NRG1: variants seen among roughly 807,000 people sequenced by gnomAD.
The protein encoded by NRG1 is pro-neuregulin-1, membrane-bound isoform.
A neutral mutation model predicts 63.8 loss-of-function variants in NRG1; 18 were observed. The ratio of observed to expected loss-of-function variants is 0.28; its 90% CI spans 0.19 to 0.42. The LOEUF (loss-of-function observed/expected upper bound fraction) is 0.42. NRG1 is among the 10% of genes least tolerant of loss of function. The pLI is 1.00. For synonymous variants in NRG1, 302 were observed against 301.3 expected (o/e 1.00, Z -0.02); for missense variants, 762 against 814.7 (o/e 0.94, Z 0.79).
intron 5 of NRG1, among the ~76,000 whole-genome samples, chr8:32,688,519 C>A (rs1487543660): frequency 6.6e-6 from 1 of 152,140 alleles, no homozygotes; most frequent in Admixed American, 6.5e-5. Flanking sequence ...CCATTTATTA[C>A]TTTTCATCTT....
At chr8:32,668,438 G>A (rs1804789818) in intron 5 of NRG1, among the ~76,000 whole-genome samples, 1 of 152,102 alleles carries the variant, frequency 6.6e-6, no homozygotes, top group Admixed American at 6.6e-5. Flanking sequence ...TGAAGTGTCA[G>A]GGTTGTGGTG....
At chr8:32,514,532 A>G (rs1205059063) in intron 1 of NRG1, among the ~76,000 whole-genome samples, 1 of 152,174 alleles carries the variant, frequency 6.6e-6, no homozygotes. Flanking sequence ...TATAGGTTAC[A>G]CATTTTGGCA....
rs780159795 is a variant in NRG1, at chr8:31,809,733, TATTA to T, written c.37+170306_37+170309del. On this transcript the variant is annotated intron_variant, in intron 1 of 10. Transcript: ENST00000519301. Reference sequence around the variant, plus strand: ...TTTCAAGATTTTTTTCTACTCCTTCTATTAATTGTTTTTTTTTTTTTTTTTTTTT... The same window carrying T: ...TTTCAAGATTTTTTTCTACTCCTTCTATTGTTTTTTTTTTTTTTTTTTTTT... Among the ~76,000 whole-genome samples the T allele has an allele frequency of 4.7e-3, 689 of 145,664 alleles. 3 individuals carry two copies. The highest frequency in any genetic ancestry group is 7.8e-3 in the Non-Finnish European group (521 of 66,648).
chr8:32,269,414 A>C (rs1022994389), intron 1 of NRG1, among the ~76,000 whole-genome samples: 1 of 152,190 alleles, frequency 6.6e-6, no homozygotes, highest in Non-Finnish European at 1.5e-5. Context: ...AATGTTTCCC[A>C]TTACATCCTG....
chr8:31,825,030 C>T (rs993226165), intron 1 of NRG1, among the ~76,000 whole-genome samples: 76 of 152,158 alleles, frequency 5.0e-4, no homozygotes, highest in African/African-American at 1.6e-3. Flanking sequence ...AAAAAATCGC[C>T]TCATTTGAAA....
chr8:32,208,273 T>C (rs916272645), intron 1 of NRG1, among the ~76,000 whole-genome samples: 1 of 151,688 alleles, frequency 6.6e-6, no homozygotes, highest in African/African-American at 2.4e-5. Flanking sequence ...GGTGGGACTA[T>C]GAAGTGTTTT....
chr8:32,675,315 A>G (rs1454383467), intron 5 of NRG1, among the ~76,000 whole-genome samples: 1 of 152,190 alleles, frequency 6.6e-6, no homozygotes, highest in Non-Finnish European at 1.5e-5. Flanking sequence ...AGATCTAGTT[A>G]TTTGCAAAAG....
intron 1 of NRG1, among the ~76,000 whole-genome samples, chr8:31,765,658 T>A (rs893548983): frequency 3.3e-5 from 5 of 152,212 alleles, no homozygotes; most frequent in Admixed American, 6.5e-5. Flanking sequence ...TCTGTGTTCC[T>A]CTGTATGCTT....
At chr8:31,782,931 G>T (rs1308212201) in intron 1 of NRG1, among the ~76,000 whole-genome samples, 2 of 152,128 alleles carry the variant, frequency 1.3e-5, no homozygotes, top group African/African-American at 2.4e-5. Flanking sequence ...CAAAGCCAGG[G>T]TTATGAATGT....
intron 6 of NRG1, among the ~76,000 whole-genome samples, chr8:32,741,475 A>G (rs936142353): frequency 2.0e-5 from 3 of 152,222 alleles, no homozygotes; most frequent in African/African-American, 7.2e-5. Flanking sequence ...CAGGGAATGT[A>G]GTTTTTCTTG....
intron 1 of NRG1, among the ~76,000 whole-genome samples, chr8:31,705,871 A>G (rs1811099674): frequency 6.6e-6 from 1 of 152,210 alleles, no homozygotes; most frequent in Admixed American, 6.5e-5. Context: ...GCCCAAGTAA[A>G]AACAATTTTA....
chr8:32,349,916 C>T (rs1432505455), intron 1 of NRG1, among the ~76,000 whole-genome samples: 1 of 152,212 alleles, frequency 6.6e-6, no homozygotes, highest in East Asian at 1.9e-4. Flanking sequence ...CAGAAGCACA[C>T]TTGATTTCAA....
intron 1 of NRG1, among the ~76,000 whole-genome samples, chr8:31,920,859 GATAC>G (rs1226324084): frequency 1.4e-5 from 2 of 147,454 alleles, no homozygotes; most frequent in South Asian, 2.2e-4. Flanking sequence ...AAGATGGATA[GATAC>G]ATAGATAGAT....
chr8:32,554,887 C>G (rs1834813701), intron 1 of NRG1, among the ~76,000 whole-genome samples: 1 of 150,924 alleles, frequency 6.6e-6, no homozygotes, highest in African/African-American at 2.4e-5. Flanking sequence ...GAGCATCACA[C>G]TGCTATTCCC....
intron 1 of NRG1, among the ~76,000 whole-genome samples, chr8:32,337,177 T>C (rs1436742725): frequency 6.6e-6 from 1 of 151,954 alleles, no homozygotes; most frequent in Non-Finnish European, 1.5e-5. Flanking sequence ...GCCCAGCTAA[T>C]GTTTTAATTT....
chr8:31,740,628 G>T (rs189440496), intron 1 of NRG1, among the ~76,000 whole-genome samples: 1 of 151,772 alleles, frequency 6.6e-6, no homozygotes, highest in Non-Finnish European at 1.5e-5. Flanking sequence ...CTCCATGAAG[G>T]TAACTTGGAA....
intron 1 of NRG1, among the ~76,000 whole-genome samples, chr8:31,813,530 T>G (rs1304914898): frequency 1.4e-4 from 15 of 104,306 alleles, no homozygotes; most frequent in South Asian, 2.8e-4. Flanking sequence ...TTTTTTTTTT[T>G]TTTGTTTTTT....
At chr8:31,751,087 C>T (rs1486358650) in intron 1 of NRG1, among the ~76,000 whole-genome samples, 3 of 151,890 alleles carry the variant, frequency 2.0e-5, no homozygotes, top group African/African-American at 7.2e-5. Context: ...ATTAAGGCAG[C>T]AGTATTCTAG....
rs140766804 is a variant in NRG1, at chr8:32,700,569, A to C, written c.503-27380A>C. Among the ~76,000 whole-genome samples, 208 of 152,340 alleles carry C rather than the reference A, an allele frequency of 1.4e-3. 1 individual carries two copies. The highest frequency in any genetic ancestry group is 4.8e-3 in the African/African-American group (198 of 41,576). On this transcript the variant is annotated intron_variant, in intron 5 of 11. Transcript: ENST00000356819. ...TCAACTAGTATTATCTTTTCACTAC[A>C]AACACAATAAATCCTGGTTTTGCTT... is the stretch of plus-strand genomic sequence containing the variant.
Sources: gnomAD v4.1 joint callset for allele counts (sites outside exome capture counted in the v4.1 genomes callset) on GRCh38, gnomAD v4.1.1 for gene constraint, MANE v1.5 for transcripts, NCBI Gene and HGNC (gene_info 2026-07-23, HGNC 2026-07-21) for gene names.